Variants in AGAP1 observed in about 807,000 individuals in gnomAD.
AGAP1 encodes ArfGAP with GTPase domain, ankyrin repeat and PH domain 1.
A neutral mutation model predicts 105.3 loss-of-function variants in AGAP1; 29 were observed. The observed-to-expected ratio is 0.28, with a 90% CI of 0.21 to 0.38. The LOEUF is 0.38. Among genes scored for constraint, AGAP1 ranks in the 10% least tolerant of loss-of-function variants. The pLI is 1.00. For synonymous variants in AGAP1, 509 were observed against 485.9 expected (o/e 1.05, Z -0.63); for missense variants, 998 against 1,165.1 (o/e 0.86, Z 2.09).
In AGAP1 at chr2:235,494,216, C is replaced by G. The variant is rs1205587997; in HGVS notation, c.-471C>G. The G allele has an allele frequency of 1.4e-5, 2 of 145,350 alleles. No homozygotes were observed. Among genetic ancestry groups the G allele is most frequent in the African/African-American group, 4.9e-5 (2 of 40,520 alleles). The allele number at this position is 145,350 out of a possible 1,614,324, so 9.0% of individuals were successfully genotyped here. On this transcript the variant is annotated 5_prime_UTR_variant, in exon 1 of 18. Transcript: ENST00000304032. ...CGGCGCAGTACGCAGCGCGCGGACCCACGCCACGGCCAGGAGCCCAGAGCA... is the reference window on the plus strand; with the variant it reads ...CGGCGCAGTACGCAGCGCGCGGACCGACGCCACGGCCAGGAGCCCAGAGCA...
At chr2:235,796,092 A>C (rs569019284) in intron 6 of AGAP1, among the ~76,000 whole-genome samples, 3 of 152,338 alleles carry the variant, frequency 2.0e-5, no homozygotes, top group African/African-American at 7.2e-5. Context: ...CAGTGTGGCC[A>C]TCCAGCTGAA....
chr2:236,033,956 G>C (rs2057302341), intron 13 of AGAP1, among the ~76,000 whole-genome samples: 1 of 152,212 alleles, frequency 6.6e-6, no homozygotes, highest in Non-Finnish European at 1.5e-5. Context: ...GAATTTCACA[G>C]ATTAAACAAA....
rs545850590 is a variant in AGAP1 at position 235,535,297 on chromosome 2, G to T, written c.163+40448G>T. The stretch of plus-strand genomic sequence containing the variant: ...CACGTCTCTTTCAATGCGGGCGTGC[G>T]AACTTCCAGGTAGAGCCGAGTTCAA... On this transcript the variant is annotated intron_variant, in intron 1 of 17. Coordinates refer to ENST00000304032, the MANE Select transcript of AGAP1 (RefSeq NM_001037131.3). This position sits in a 1 kb window ranked among gnomAD's most constrained non-coding sequence, Gnocchi z 5.1. Among the ~76,000 whole-genome samples the T allele has an allele frequency of 3.9e-5, 6 of 152,214 alleles. No individual in the cohort carries two copies. In the South Asian group the frequency reaches 8.3e-4, roughly 21 times the overall value.
chr2:235,864,274 G>T lies in AGAP1; in HGVS notation c.1051-19071G>T, dbSNP rs1052281043. Among the ~76,000 whole-genome samples the T allele has an allele frequency of 2.0e-5, 3 of 152,126 alleles. No individual in the cohort carries two copies. Among genetic ancestry groups the T allele is most frequent in the African/African-American group, 7.2e-5 (3 of 41,420 alleles). Reference sequence around the variant, plus strand: ...GTAGTCCCGTGAACTCTGCATTTTCGCAGAATGCCCCCATCATGTGAAGGG... The same window carrying T: ...GTAGTCCCGTGAACTCTGCATTTTCTCAGAATGCCCCCATCATGTGAAGGG... On this transcript the variant is annotated intron_variant, in intron 9 of 17. Transcript: ENST00000304032. This position sits in a 1 kb window ranked among gnomAD's most constrained non-coding sequence, Gnocchi z 5.0.
chr2:235,534,980 C>G (rs1315767994), intron 1 of AGAP1, among the ~76,000 whole-genome samples: 2 of 152,118 alleles, frequency 1.3e-5, no homozygotes, highest in Non-Finnish European at 2.9e-5. Context: ...CAGACACCAG[C>G]CCTTAGGGAG....
chr2:235,535,229 G>A lies in AGAP1; in HGVS notation c.163+40380G>A, dbSNP rs77056593. 3.4e-4 allele frequency among the ~76,000 whole-genome samples: 52 copies of A among 152,284 alleles called. 1 individual carries two copies. The East Asian group carries it at 0.01, about 30-fold the overall frequency. ...TTGCAGGAGCGGAAGACCCGATGGA[G>A]CAGGTTTCACAGTGCCCTCGCTGCT... On this transcript the variant is annotated intron_variant, in intron 1 of 17. Coordinates refer to ENST00000304032, the MANE Select transcript of AGAP1 (RefSeq NM_001037131.3). The surrounding 1 kb of genome is among the most constrained non-coding windows in gnomAD (Gnocchi z 5.1).
rs1399251666 is a variant in AGAP1 at position 235,891,098 on chromosome 2, A to G, written c.1155+7649A>G. On this transcript the variant is annotated intron_variant, in intron 10 of 17. Transcript: ENST00000304032. This position sits in a 1 kb window ranked among gnomAD's most constrained non-coding sequence, Gnocchi z 4.2. ...GCCAACTGCCCTGGTTTTCTGCAGG[A>G]CTGAGGGGTTCCCAGGGTGCAGGAC... 6.6e-6 allele frequency among the ~76,000 whole-genome samples: 1 copy of G among 152,148 alleles called. No individual in the cohort carries two copies. Among genetic ancestry groups the G allele is most frequent in the Non-Finnish European group, 1.5e-5 (1 of 68,026 alleles).
At chr2:235,636,974 G>A (rs543713874) in intron 1 of AGAP1, among the ~76,000 whole-genome samples, 33 of 152,224 alleles carry the variant, frequency 2.2e-4, no homozygotes, top group African/African-American at 7.5e-4. Flanking sequence ...ACAGAGGCTC[G>A]CAGCAGACCC....
At chr2:235,654,813 A>G (rs1423346286) in intron 1 of AGAP1, among the ~76,000 whole-genome samples, 2 of 152,170 alleles carry the variant, frequency 1.3e-5, no homozygotes, top group African/African-American at 4.8e-5. Context: ...ATTTTCACGT[A>G]GGCAAGTGGT....
In AGAP1 at chr2:235,633,454, C is replaced by G. The variant is rs1256576875; in HGVS notation, c.164-75725C>G. On this transcript the variant is annotated intron_variant, in intron 1 of 17. Coordinates refer to ENST00000304032, the MANE Select transcript of AGAP1 (RefSeq NM_001037131.3). The surrounding 1 kb of genome is among the most constrained non-coding windows in gnomAD (Gnocchi z 4.8). ...ACTAAAAATACAAAAATTAGCCAGG[C>G]ATGGTGGCGGGCTCCTGTAATTCCA... 1.3e-5 allele frequency among the ~76,000 whole-genome samples: 2 copies of G among 152,124 alleles called. No homozygotes were observed. Among genetic ancestry groups the G allele is most frequent in the African/African-American group, 4.8e-5 (2 of 41,436 alleles).
intron 11 of AGAP1, among the ~76,000 whole-genome samples, chr2:235,913,915 C>T (rs1193497099): frequency 2.0e-5 from 3 of 152,182 alleles, no homozygotes; most frequent in Non-Finnish European, 2.9e-5. Context: ...TCGTGGAACA[C>T]TGTTCTTTCC....
chr2:236,037,114 T>C, intron 14 of AGAP1: 1 of 184,856 alleles, frequency 5.4e-6, no homozygotes, highest in South Asian at 1.2e-4. Context: ...GACATCAAGT[T>C]GGAAAACCGT....
At chr2:235,821,704 C>CT (rs1191216790) in intron 9 of AGAP1, among the ~76,000 whole-genome samples, 3 of 152,002 alleles carry the variant, frequency 2.0e-5, no homozygotes, top group Non-Finnish European at 4.4e-5. Context: ...GTACTAGTAA[C>CT]TTATCTATAG....
intron 1 of AGAP1, among the ~76,000 whole-genome samples, chr2:235,638,574 C>T (rs1261757258): frequency 6.6e-6 from 1 of 152,002 alleles, no homozygotes; most frequent in African/African-American, 2.4e-5. Context: ...ATTTAAAAAC[C>T]CTCAAAACTG....
In AGAP1 at chr2:235,608,304, TA is replaced by T. The variant is rs1326908229; in HGVS notation, c.164-100871del. ...AGGCTGGATCCATGGCCGTATTCTGTAAAATTCCATTGTGTCTTTTTTTCCC... is the reference window on the plus strand; with the variant it reads ...AGGCTGGATCCATGGCCGTATTCTGTAAATTCCATTGTGTCTTTTTTTCCC... On this transcript the variant is annotated intron_variant, in intron 1 of 17. Coordinates refer to ENST00000304032, the MANE Select transcript of AGAP1 (RefSeq NM_001037131.3). This position sits in a 1 kb window ranked among gnomAD's most constrained non-coding sequence, Gnocchi z 5.4. Among the ~76,000 whole-genome samples the T allele has an allele frequency of 6.6e-6, 1 of 152,184 alleles. No homozygotes were observed. Among genetic ancestry groups the T allele is most frequent in the Non-Finnish European group, 1.5e-5 (1 of 68,026 alleles).
rs1226416040 is a variant in AGAP1, at chr2:236,000,690, C to G, written c.1645+32067C>G. 6.6e-6 allele frequency among the ~76,000 whole-genome samples: 1 copy of G among 152,210 alleles called. No homozygotes were observed. Among genetic ancestry groups the G allele is most frequent in the Admixed American group, 6.5e-5 (1 of 15,280 alleles). Reference sequence around the variant, plus strand: ...GTGAAGAATAAAACACAGGTGATTTCAGATAGTGGCACATGCCTGAGGCAA... The same window carrying G: ...GTGAAGAATAAAACACAGGTGATTTGAGATAGTGGCACATGCCTGAGGCAA... On this transcript the variant is annotated intron_variant, in intron 13 of 17. Coordinates refer to ENST00000304032, the MANE Select transcript of AGAP1 (RefSeq NM_001037131.3). This position sits in a 1 kb window ranked among gnomAD's most constrained non-coding sequence, Gnocchi z 4.3.
In AGAP1 at chr2:235,655,607, A is replaced by G. The variant is rs1442307459; in HGVS notation, c.164-53572A>G. ...TATCTGATGAGTTAGTAGCTGTGAA[A>G]ACGTTTCTCTAGCAAGGCTGCCTGT... On this transcript the variant is annotated intron_variant, in intron 1 of 17. Coordinates refer to ENST00000304032, the MANE Select transcript of AGAP1 (RefSeq NM_001037131.3). The surrounding 1 kb of genome is among the most constrained non-coding windows in gnomAD (Gnocchi z 4.3). Among the ~76,000 whole-genome samples, 1 of 152,196 alleles carries G rather than the reference A, an allele frequency of 6.6e-6. No homozygotes were observed.
rs2049163697 is a variant in AGAP1 at position 235,866,220 on chromosome 2, T to C, written c.1051-17125T>C. 1.3e-5 allele frequency among the ~76,000 whole-genome samples: 2 copies of C among 152,164 alleles called. No individual in the cohort carries two copies. The highest frequency in any genetic ancestry group is 4.1e-4 in the South Asian group (2 of 4,822). On this transcript the variant is annotated intron_variant, in intron 9 of 17. Coordinates refer to ENST00000304032, the MANE Select transcript of AGAP1 (RefSeq NM_001037131.3). This position sits in a 1 kb window ranked among gnomAD's most constrained non-coding sequence, Gnocchi z 6.1. ...GTTTTATTTTCTGAGACTAGGAGTATCTATAACTTGGTGTGGTTATTCTTG... is the reference window on the plus strand; with the variant it reads ...GTTTTATTTTCTGAGACTAGGAGTACCTATAACTTGGTGTGGTTATTCTTG...
chr2:236,096,239 G>A lies in AGAP1; in HGVS notation c.2115-23953G>A, dbSNP rs1173140269. On this transcript the variant is annotated intron_variant, in intron 16 of 17. Transcript: ENST00000304032. The surrounding 1 kb of genome is among the most constrained non-coding windows in gnomAD (Gnocchi z 4.4). The stretch of plus-strand genomic sequence containing the variant: ...ATGTCAGCCAGGCACAGTGGCTCAC[G>A]CCTGTAATCCCAGCACTTCGGGAGG... 6.6e-6 allele frequency among the ~76,000 whole-genome samples: 1 copy of A among 152,166 alleles called. No homozygotes were observed. The highest frequency in any genetic ancestry group is 6.5e-5 in the Admixed American group (1 of 15,276).
Sources: gnomAD v4.1 joint callset for allele counts (sites outside exome capture counted in the v4.1 genomes callset) on GRCh38, gnomAD v4.1.1 for gene constraint, Gnocchi (gnomAD v3.1) non-coding constraint, MANE v1.5 for transcripts, NCBI Gene and HGNC (gene_info 2026-07-23, HGNC 2026-07-21) for gene names.